The following HMGA2 variants were observed in gnomAD, a reference collection of about 807,000 sequenced individuals.
HMGA2 encodes high mobility group protein HMGI-C.
In HMGA2, 8 loss-of-function variants were observed where a neutral mutation model predicts 19.1. The ratio of observed to expected loss-of-function variants is 0.42; its 90% CI spans 0.25 to 0.76. The LOEUF is 0.76. Among genes scored for constraint, HMGA2 ranks in the 30% least tolerant of loss-of-function variants. The probability of loss-of-function intolerance (pLI) is 0.28; values close to 1 mark genes in which losing one functional copy is unlikely to be tolerated. For missense variants in HMGA2, 109 were observed against 136.3 expected (o/e 0.80, Z 1.00); for synonymous variants, 60 against 48.8 (o/e 1.23, Z -0.96).
intron 3 of HMGA2, among the ~76,000 whole-genome samples, chr12:65,919,789 C>A (rs953552442): frequency 2.0e-5 from 3 of 152,148 alleles, no homozygotes; most frequent in African/African-American, 7.2e-5. Flanking sequence ...ATCTTTTCAC[C>A]AGATGGTGTT....
chr12:65,838,133 C>T (rs962464910), intron 2 of HMGA2, among the ~76,000 whole-genome samples: 5 of 152,058 alleles, frequency 3.3e-5, no homozygotes, highest in African/African-American at 1.2e-4. Context: ...TCTTGATCAT[C>T]TTAAGAAATA....
intron 3 of HMGA2, among the ~76,000 whole-genome samples, chr12:65,926,899 G>GA (rs200446470): frequency 4.6e-5 from 7 of 150,998 alleles, no homozygotes; most frequent in South Asian, 4.2e-4. Context: ...TCCAGGAAAG[G>GA]AAAAAAAAAG....
At chr12:65,915,467 G>C (rs1414258958) in intron 3 of HMGA2, 31 of 1,236,074 alleles carry the variant, frequency 2.5e-5, no homozygotes, top group Non-Finnish European at 8.2e-6. Flanking sequence ...CCACCTTTTT[G>C]CAGAAATCAC....
chr12:65,859,164 G>A (rs1871910276), intron 3 of HMGA2: 1 of 152,234 alleles, frequency 6.6e-6, no homozygotes. Context: ...TAGGTCATCA[G>A]GTTCCTGTCC....
chr12:65,920,186 G>A (rs533245414), intron 3 of HMGA2, among the ~76,000 whole-genome samples: 1 of 152,250 alleles, frequency 6.6e-6, no homozygotes, highest in South Asian at 2.1e-4. Context: ...TGAGTCCGGG[G>A]TAGAAGCTGG....
In HMGA2 at chr12:65,850,512, G is replaced by A. The variant is rs79306165; in HGVS notation, c.249+11943G>A. Among the ~76,000 whole-genome samples, 886 of 151,106 alleles carry A rather than the reference G, an allele frequency of 5.9e-3. 12 individuals carry two copies. Among genetic ancestry groups the A allele is most frequent in the African/African-American group, 0.019 (764 of 41,268 alleles). On this transcript the variant is annotated intron_variant, in intron 3 of 4. Coordinates refer to ENST00000403681, the MANE Select transcript of HMGA2 (RefSeq NM_003483.6). Reference sequence around the variant, plus strand: ...TACATAGTCACAGTATGAAGAGACCGAATTTTTTTTTTTTTTTACTAAAAA... The same window carrying A: ...TACATAGTCACAGTATGAAGAGACCAAATTTTTTTTTTTTTTTACTAAAAA...
chr12:65,933,449 C>T (rs1187999425), intron 3 of HMGA2, among the ~76,000 whole-genome samples: 2 of 152,054 alleles, frequency 1.3e-5, no homozygotes, highest in African/African-American at 4.8e-5. Flanking sequence ...TGCAAAGCAC[C>T]CCTTTAATTT....
chr12:65,961,490 A>G (rs986980533), intron 4 of HMGA2, among the ~76,000 whole-genome samples: 1 of 152,168 alleles, frequency 6.6e-6, no homozygotes, highest in African/African-American at 2.4e-5. Flanking sequence ...GTTGGGAGTT[A>G]AAGGGGAGGT....
chr12:65,897,957 TC>T (rs1421964630), intron 3 of HMGA2, among the ~76,000 whole-genome samples: 2 of 130,372 alleles, frequency 1.5e-5, no homozygotes, highest in African/African-American at 6.1e-5. Flanking sequence ...AGAGCAAAAC[TC>T]CATCTCAAAA....
At chr12:65,876,510 C>T (rs1382752199) in intron 3 of HMGA2, among the ~76,000 whole-genome samples, 1 of 152,252 alleles carries the variant, frequency 6.6e-6, no homozygotes, top group African/African-American at 2.4e-5. Flanking sequence ...CACAACTATA[C>T]ATTCAATATT....
Position 65,966,015 on chromosome 12 carries a change from G to C in HMGA2, c.*2723G>C, listed in dbSNP as rs763830574. Reference sequence around the variant, plus strand: ...ACTTTTCTACCATTTCTGCAAGTTAGGTATGTTTGCAGGAGAAAAGTATCA... The same window carrying C: ...ACTTTTCTACCATTTCTGCAAGTTACGTATGTTTGCAGGAGAAAAGTATCA... On this transcript the variant is annotated 3_prime_UTR_variant, in exon 5 of 5. Coordinates refer to ENST00000403681, the MANE Select transcript of HMGA2 (RefSeq NM_003483.6). 5 of 221,260 alleles carry C rather than the reference G, an allele frequency of 2.3e-5. No homozygotes were observed. Among genetic ancestry groups the C allele is most frequent in the Non-Finnish European group, 3.6e-5 (4 of 110,256 alleles). The allele number at this position is 221,260 out of a possible 1,614,324, so 13.7% of individuals were successfully genotyped here.
intron 4 of HMGA2, chr12:65,952,463 A>T (rs1304630246): frequency 1.3e-6 from 2 of 1,531,900 alleles, no homozygotes; most frequent in Admixed American, 3.9e-5. Flanking sequence ...ACATGAAAGG[A>T]TCCAAGGAAA....
At chr12:65,849,804 C>A in intron 3 of HMGA2, among the ~76,000 whole-genome samples, 1 of 143,164 alleles carries the variant, frequency 7.0e-6, no homozygotes, top group East Asian at 2.1e-4. Context: ...CTGCAACCTC[C>A]GCCTCCCGGG....
At chr12:65,850,715 A>ATTTATTT (rs1293346764) in intron 3 of HMGA2, among the ~76,000 whole-genome samples, 2 of 152,048 alleles carry the variant, frequency 1.3e-5, no homozygotes, top group Admixed American at 6.5e-5. Context: ...CTGTGCTTTT[A>ATTTATTT]TTTATTTTTT....
intron 3 of HMGA2, among the ~76,000 whole-genome samples, chr12:65,932,218 G>A (rs1292714873): frequency 6.6e-6 from 1 of 152,212 alleles, no homozygotes; most frequent in Non-Finnish European, 1.5e-5. Flanking sequence ...TAATTTTCCA[G>A]ATAGTTGAGT....
chr12:65,932,449 T>C (rs1181942551), intron 3 of HMGA2, among the ~76,000 whole-genome samples: 1 of 152,242 alleles, frequency 6.6e-6, no homozygotes, highest in Non-Finnish European at 1.5e-5. Context: ...TCTTGAATGC[T>C]GGCTATATGC....
At position 65,824,799 on chromosome 12, in the gene HMGA2, C is replaced by G. The variant is rs1328082813; in HGVS notation, c.-472C>G. 1 of 225,824 alleles carries G rather than the reference C, an allele frequency of 4.4e-6. No homozygotes were observed. The allele number at this position is 225,824 out of a possible 1,614,324, so 14.0% of individuals were successfully genotyped here. A position where few individuals can be genotyped will look rare whatever the true frequency, so the allele number is the denominator to read the frequency against. On this transcript the variant is annotated 5_prime_UTR_variant, in exon 1 of 5. Transcript: ENST00000403681. ...GGTGGGGGGAAGAGGAGGAGGAATT[C>G]TTTCCCCGCCTAACATTTCAAGGGA...
intron 3 of HMGA2, among the ~76,000 whole-genome samples, chr12:65,926,921 G>A (rs879873410): frequency 6.6e-6 from 1 of 152,160 alleles, no homozygotes; most frequent in Admixed American, 6.5e-5. Context: ...GCTTTTCTGC[G>A]TGACCATGTT....
intron 3 of HMGA2, chr12:65,843,665 T>TACACACACACACAC (rs35271921): frequency 5.5e-5 from 8 of 146,492 alleles, no homozygotes; most frequent in African/African-American, 2.0e-4. Flanking sequence ...GTTTGCTACT[T>TACACACACACACAC]ACACACACAC....
Sources: gnomAD v4.1 joint callset for allele counts (sites outside exome capture counted in the v4.1 genomes callset) on GRCh38, gnomAD v4.1.1 for gene constraint, MANE v1.5 for transcripts, NCBI Gene and HGNC (gene_info 2026-07-23, HGNC 2026-07-21) for gene names.